The following ARHGEF28 variants were observed in gnomAD, a reference collection of about 807,000 sequenced individuals.
The protein encoded by ARHGEF28 is Rho guanine nucleotide exchange factor 28, also known as 190 kDa guanine nucleotide exchange factor.
A neutral mutation model predicts 206.6 loss-of-function variants in ARHGEF28; 152 were observed. The ratio of observed to expected loss-of-function variants is 0.74; its 90% CI spans 0.64 to 0.84. ARHGEF28 has a LOEUF of 0.84. Among genes scored for constraint, ARHGEF28 ranks in the 40% least tolerant of loss-of-function variants. The probability of loss-of-function intolerance (pLI) is 0.00; values close to 1 mark genes in which losing one functional copy is unlikely to be tolerated. For synonymous variants in ARHGEF28, 763 were observed against 776.4 expected (o/e 0.98, Z 0.29); for missense variants, 2,028 against 2,073.2 (o/e 0.98, Z 0.42).
chr5:73,720,161 A>T (rs542405040), intron 2 of ARHGEF28, among the ~76,000 whole-genome samples: 1 of 152,362 alleles, frequency 6.6e-6, no homozygotes, highest in African/African-American at 2.4e-5. Flanking sequence ...AAATATTTAA[A>T]ACAACATAGA....
intron 9 of ARHGEF28, chr5:73,813,478 C>G: frequency 3.4e-6 from 5 of 1,483,050 alleles, no homozygotes; most frequent in Non-Finnish European, 3.6e-6. Flanking sequence ...TTCATCCAAT[C>G]TCATTCCTTC....
chr5:73,737,457 CTTT>C (rs1751028107), intron 2 of ARHGEF28, among the ~76,000 whole-genome samples: 2 of 49,410 alleles, frequency 4.0e-5, no homozygotes, highest in African/African-American at 1.8e-4. Context: ...CTTTTCTTTT[CTTT>C]TCTTTTCTTT....
At chr5:73,821,678 G>A (rs1057130301) in intron 9 of ARHGEF28, among the ~76,000 whole-genome samples, 1 of 151,884 alleles carries the variant, frequency 6.6e-6, no homozygotes. Context: ...TATATATTAG[G>A]TTCTTCCCCT....
chr5:73,934,124 G>GTTGT (rs1218946729), intron 35 of ARHGEF28, among the ~76,000 whole-genome samples: 1 of 152,116 alleles, frequency 6.6e-6, no homozygotes, highest in East Asian at 1.9e-4. Context: ...TAAGAACTGT[G>GTTGT]TTGTTTATCT....
intron 13 of ARHGEF28, among the ~76,000 whole-genome samples, chr5:73,849,531 G>A (rs1758571625): frequency 1.3e-5 from 2 of 152,164 alleles, no homozygotes; most frequent in African/African-American, 4.8e-5. Flanking sequence ...AAGGGACTTT[G>A]GAGAGTTGAA....
At chr5:73,754,904 TTTA>T in intron 4 of ARHGEF28, among the ~76,000 whole-genome samples, 1 of 151,272 alleles carries the variant, frequency 6.6e-6, no homozygotes, top group African/African-American at 2.4e-5. Flanking sequence ...TATTTATTTA[TTTA>T]TTTTTTTAGA....
At chr5:73,711,933 T>G (rs925041115) in intron 2 of ARHGEF28, among the ~76,000 whole-genome samples, 2 of 144,390 alleles carry the variant, frequency 1.4e-5, no homozygotes, top group Non-Finnish European at 3.0e-5. Context: ...TAGGTTTGGG[T>G]TTTTTTTTCT....
At chr5:73,761,387 A>T (rs1051542379) in intron 4 of ARHGEF28, among the ~76,000 whole-genome samples, 1 of 152,194 alleles carries the variant, frequency 6.6e-6, no homozygotes, top group Non-Finnish European at 1.5e-5. Context: ...CATTGGTTTT[A>T]AAACTACCAA....
intron 1 of ARHGEF28, among the ~76,000 whole-genome samples, chr5:73,647,052 A>G (rs981823892): frequency 3.3e-5 from 5 of 152,218 alleles, no homozygotes; most frequent in African/African-American, 1.2e-4. Context: ...TTGTATATAC[A>G]GGTTGAGCAT....
intron 9 of ARHGEF28, among the ~76,000 whole-genome samples, chr5:73,815,151 G>A (rs1048860873): frequency 7.3e-5 from 11 of 151,490 alleles, no homozygotes; most frequent in Admixed American, 2.0e-4. Context: ...ATATTAAAAG[G>A]CCATGATATA....
intron 2 of ARHGEF28, among the ~76,000 whole-genome samples, chr5:73,734,649 G>A (rs1376587954): frequency 6.6e-6 from 1 of 152,122 alleles, no homozygotes; most frequent in Non-Finnish European, 1.5e-5. Flanking sequence ...ACACAACTGA[G>A]GTAGATTAAG....
At chr5:73,633,570 A>ATTTTT (rs764440038) in intron 1 of ARHGEF28, among the ~76,000 whole-genome samples, 70 of 101,068 alleles carry the variant, frequency 6.9e-4, no homozygotes, top group Non-Finnish European at 1.0e-3. Context: ...AATACCTTTA[A>ATTTTT]TTTTTTTTTT....
intron 35 of ARHGEF28, among the ~76,000 whole-genome samples, chr5:73,921,272 A>G (rs780025236): frequency 6.6e-6 from 1 of 152,198 alleles, no homozygotes; most frequent in Non-Finnish European, 1.5e-5. Context: ...TTTACCCCAT[A>G]CTGACTGAAA....
chr5:73,631,255 A>G (rs1743347478), intron 1 of ARHGEF28, among the ~76,000 whole-genome samples: 2 of 152,204 alleles, frequency 1.3e-5, no homozygotes, highest in Admixed American at 1.3e-4. Flanking sequence ...TGGTTCAGAC[A>G]AAGTCCCTCG....
intron 1 of ARHGEF28, among the ~76,000 whole-genome samples, chr5:73,630,583 A>G (rs1743307234): frequency 1.3e-5 from 2 of 152,182 alleles, no homozygotes; most frequent in African/African-American, 4.8e-5. Context: ...TTCAGCTTTC[A>G]GAAGGTAGTG....
At chr5:73,735,665 T>C (rs1750876920) in intron 2 of ARHGEF28, among the ~76,000 whole-genome samples, 1 of 152,230 alleles carries the variant, frequency 6.6e-6, no homozygotes, top group Admixed American at 6.5e-5. Flanking sequence ...TAGACTGGTC[T>C]TTGTAAAATG....
At chr5:73,700,089 C>CATA (rs1748504616) in intron 2 of ARHGEF28, among the ~76,000 whole-genome samples, 2 of 152,180 alleles carry the variant, frequency 1.3e-5, no homozygotes, top group South Asian at 4.1e-4. Context: ...ATATAAAATA[C>CATA]TGGGATCAAT....
In ARHGEF28 at chr5:73,632,838, G is replaced by A. The variant is rs375066146; in HGVS notation, c.-12+6516G>A. ...CCAACCTTTTTGACACCAGGGATTC[G>A]TGTTGTAGAAGACAGTCTTTCAATG... On this transcript the variant is annotated intron_variant, in intron 1 of 35. Transcript: ENST00000513042. 8.7e-4 allele frequency among the ~76,000 whole-genome samples: 133 copies of A among 152,198 alleles called. 1 individual carries two copies. Among genetic ancestry groups the A allele is most frequent in the African/African-American group, 3.0e-3 (124 of 41,512 alleles).
intron 35 of ARHGEF28, among the ~76,000 whole-genome samples, chr5:73,931,224 G>T (rs142704828): frequency 6.6e-6 from 1 of 152,258 alleles, no homozygotes; most frequent in Non-Finnish European, 1.5e-5. Context: ...ATGCCTTTCC[G>T]ATTCTGGGTT....
Sources: gnomAD v4.1 joint callset for allele counts (sites outside exome capture counted in the v4.1 genomes callset) on GRCh38, gnomAD v4.1.1 for gene constraint, MANE v1.5 for transcripts, NCBI Gene and HGNC (gene_info 2026-07-23, HGNC 2026-07-21) for gene names.